The following CMSS1 variants were observed in gnomAD, a reference collection of about 807,000 sequenced individuals.
CMSS1 encodes the protein cms1 ribosomal small subunit homolog, also known as protein CMSS1.
A neutral mutation model predicts 43.5 loss-of-function variants in CMSS1; 33 were observed. That is an observed-to-expected ratio of 0.76 (90% CI 0.57 to 1.01). The LOEUF (loss-of-function observed/expected upper bound fraction) is 1.01. Among genes scored for constraint, CMSS1 ranks in the 50% least tolerant of loss-of-function variants. The probability of loss-of-function intolerance (pLI) is 0.00; values close to 1 mark genes in which losing one functional copy is unlikely to be tolerated. For missense variants in CMSS1, 313 were observed against 326.4 expected (o/e 0.96, Z 0.32); for synonymous variants, 115 against 117.2 (o/e 0.98, Z 0.12).
intron 1 of CMSS1, among the ~76,000 whole-genome samples, chr3:99,976,557 AC>A (rs1482689118): frequency 6.6e-6 from 1 of 152,164 alleles, no homozygotes; most frequent in Non-Finnish European, 1.5e-5. Flanking sequence ...CATTGAAGAT[AC>A]CACTTTATTT....
intron 1 of CMSS1, among the ~76,000 whole-genome samples, chr3:99,978,750 C>G (rs1331792763): frequency 1.3e-5 from 2 of 152,006 alleles, no homozygotes; most frequent in African/African-American, 2.4e-5. Flanking sequence ...GAAAAATTAA[C>G]CAGGCAGGAC....
chr3:100,135,462 G>A (rs1237188942), intron 1 of CMSS1, among the ~76,000 whole-genome samples: 1 of 150,038 alleles, frequency 6.7e-6, no homozygotes, highest in South Asian at 2.1e-4. Context: ...GTGTGTGTGT[G>A]TGTGTGTGTG....
rs1300849082 is a variant in CMSS1 at position 100,181,442 on chromosome 3, G to GTC, written c.*3054_*3055insTC. ...TTATCAAAACTAAGAAGTCATCACT[G>GTC]GTACTGTATAATTAACTAAACTACA... On this transcript the variant is annotated 3_prime_UTR_variant, in exon 10 of 10. Transcript: ENST00000421999. 2 of 152,116 alleles carry GTC rather than the reference G, an allele frequency of 1.3e-5. No individual in the cohort carries two copies. Among genetic ancestry groups the GTC allele is most frequent in the African/African-American group, 2.4e-5 (1 of 41,414 alleles). 9.4% of individuals were successfully genotyped at this position (152,116 alleles called of 1,614,324 possible).
intron 1 of CMSS1, chr3:100,114,900 G>A: frequency 7.0e-7 from 1 of 1,438,652 alleles, no homozygotes; most frequent in Non-Finnish European, 9.4e-7. Context: ...ACGCTGTGTT[G>A]GACTCAAACT....
chr3:99,992,294 A>G (rs1559717465), intron 1 of CMSS1, among the ~76,000 whole-genome samples: 1 of 152,102 alleles, frequency 6.6e-6, no homozygotes, highest in Non-Finnish European at 1.5e-5. Context: ...TCAACAGTAT[A>G]TAAGTGTTTC....
chr3:99,863,335 T>G (rs994185231), intron 1 of CMSS1, among the ~76,000 whole-genome samples: 6 of 152,172 alleles, frequency 3.9e-5, no homozygotes, highest in African/African-American at 1.4e-4. Flanking sequence ...TCCTGCTATG[T>G]GACCCGGTAA....
At chr3:100,145,491 A>G (rs2066842120) in intron 1 of CMSS1, among the ~76,000 whole-genome samples, 1 of 152,146 alleles carries the variant, frequency 6.6e-6, no homozygotes, top group Non-Finnish European at 1.5e-5. Context: ...CTCCAGAGAA[A>G]CAGAACCAAC....
At chr3:100,165,538 C>T (rs1309462955) in intron 4 of CMSS1, among the ~76,000 whole-genome samples, 2 of 152,062 alleles carry the variant, frequency 1.3e-5, no homozygotes, top group South Asian at 4.1e-4. Flanking sequence ...TCTTTCTTCA[C>T]TTGACACTTT....
chr3:99,992,813 C>G (rs1290032192), intron 1 of CMSS1, among the ~76,000 whole-genome samples: 1 of 151,974 alleles, frequency 6.6e-6, no homozygotes, highest in Non-Finnish European at 1.5e-5. Context: ...ACATTTAGAT[C>G]TTTAATCCAT....
chr3:99,929,452 T>A (rs1707401996), intron 1 of CMSS1, among the ~76,000 whole-genome samples: 1 of 152,216 alleles, frequency 6.6e-6, no homozygotes, highest in Admixed American at 6.5e-5. Flanking sequence ...TTCCAAAAAT[T>A]AACCTCTATG....
At chr3:100,163,011 A>G (rs1162259178) in intron 4 of CMSS1, among the ~76,000 whole-genome samples, 3 of 152,194 alleles carry the variant, frequency 2.0e-5, no homozygotes, top group South Asian at 2.1e-4. Flanking sequence ...CTTTTCCTCA[A>G]TCTAATAGTT....
chr3:99,923,043 C>T lies in CMSS1; in HGVS notation c.64+105000C>T, dbSNP rs115311876. Among the ~76,000 whole-genome samples the T allele has an allele frequency of 5.0e-3, 766 of 151,960 alleles. 6 individuals are homozygous for T. Among genetic ancestry groups the T allele is most frequent in the African/African-American group, 0.017 (723 of 41,472 alleles). ...TCACTCTCTTTTTAAAGTCTTTGCT[C>T]ACTTCATTTCATTGCCTTCTTTGTC... On this transcript the variant is annotated intron_variant, in intron 1 of 9. Transcript: ENST00000421999.
At chr3:99,825,966 G>A (rs1354632820) in intron 1 of CMSS1, among the ~76,000 whole-genome samples, 1 of 151,268 alleles carries the variant, frequency 6.6e-6, no homozygotes, top group South Asian at 2.1e-4. Flanking sequence ...TTTAGTAGAG[G>A]GGGGTTTCAC....
At chr3:100,051,465 C>T (rs2065371448) in intron 1 of CMSS1, among the ~76,000 whole-genome samples, 4 of 151,442 alleles carry the variant, frequency 2.6e-5, no homozygotes, top group African/African-American at 9.7e-5. Flanking sequence ...ATTAACTCGT[C>T]ATTTAACATT....
Position 100,115,575 on chromosome 3 carries a change from GTCTCTCTCTCTCTC to G in CMSS1, c.65-31358_65-31345del, listed in dbSNP as rs66793218. On this transcript the variant is annotated intron_variant, in intron 1 of 9. Coordinates refer to ENST00000421999, the MANE Select transcript of CMSS1 (RefSeq NM_032359.4). ...TTTCTCTTTCTCTCTCTCTCTCTCT[GTCTCTCTCTCTCTC>G]TCTCTCTCTCTCTCTCTCTCTCTCT... Among the ~76,000 whole-genome samples the G allele has an allele frequency of 8.9e-3, 871 of 97,982 alleles. 6 individuals are homozygous for G. The highest frequency in any genetic ancestry group is 0.027 in the African/African-American group (671 of 25,298). 64.3% of individuals were successfully genotyped at this position (97,982 alleles called of 152,430 possible).
At chr3:99,869,699 C>T (rs181406571) in intron 1 of CMSS1, among the ~76,000 whole-genome samples, 3 of 152,276 alleles carry the variant, frequency 2.0e-5, no homozygotes, top group African/African-American at 7.2e-5. Flanking sequence ...TTAAGTCTTG[C>T]GAGCCCAAAT....
chr3:100,060,086 C>T (rs1466083841), intron 1 of CMSS1, among the ~76,000 whole-genome samples: 2 of 152,048 alleles, frequency 1.3e-5, no homozygotes, highest in Non-Finnish European at 2.9e-5. Context: ...TACATGTGCC[C>T]TCAGCTGTGC....
chr3:99,868,943 C>T (rs1576531795), intron 1 of CMSS1, among the ~76,000 whole-genome samples: 1 of 152,264 alleles, frequency 6.6e-6, no homozygotes, highest in East Asian at 1.9e-4. Flanking sequence ...GTTAAGCCAA[C>T]TGTAAGCTCC....
intron 1 of CMSS1, among the ~76,000 whole-genome samples, chr3:100,074,064 C>CT (rs1268984563): frequency 6.6e-6 from 1 of 151,882 alleles, no homozygotes; most frequent in Non-Finnish European, 1.5e-5. Context: ...TTGTGGGGGC[C>CT]TTTTTTTTCC....
Sources: allele counts gnomAD v4.1 joint callset (sites outside exome capture counted in the v4.1 genomes callset), GRCh38; gene constraint gnomAD v4.1.1; transcripts MANE v1.5; gene names NCBI Gene and HGNC (gene_info 2026-07-23, HGNC 2026-07-21).